Variants in BMP2K observed in about 807,000 individuals in gnomAD.
BMP2K encodes the protein BMP-2-inducible protein kinase.
Under a neutral mutation model 116.0 loss-of-function variants are expected in BMP2K, and 74 were observed. The ratio of observed to expected loss-of-function variants is 0.64; its 90% CI spans 0.53 to 0.77. The LOEUF is 0.77. Ranked by LOEUF, BMP2K falls within the 30% of genes least tolerant of loss-of-function variation. The pLI, the probability that BMP2K is intolerant of heterozygous loss-of-function variation, is 0.00. For synonymous variants in BMP2K, 486 were observed against 502.5 expected (o/e 0.97, Z 0.44); for missense variants, 1,365 against 1,403.6 (o/e 0.97, Z 0.44).
intron 9 of BMP2K, among the ~76,000 whole-genome samples, chr4:78,861,882 A>G (rs1236197575): frequency 1.3e-5 from 2 of 152,014 alleles, no homozygotes; most frequent in African/African-American, 4.8e-5. Context: ...TGTACTTTGT[A>G]GAATTTGTAA....
intron 1 of BMP2K, among the ~76,000 whole-genome samples, chr4:78,783,598 G>C (rs1288910481): frequency 1.3e-5 from 2 of 152,188 alleles, no homozygotes; most frequent in East Asian, 1.9e-4. Context: ...TTGAGGCCAG[G>C]AGTTCGAGAC....
At chr4:78,790,490 GA>G (rs1431398184) in intron 1 of BMP2K, among the ~76,000 whole-genome samples, 1 of 152,088 alleles carries the variant, frequency 6.6e-6, no homozygotes, top group African/African-American at 2.4e-5. Flanking sequence ...GAACCTCTGT[GA>G]AAAAAATTTA....
chr4:78,863,315 A>G (rs17003474), intron 9 of BMP2K, among the ~76,000 whole-genome samples: 15,352 of 152,150 alleles, frequency 0.1, 2,523 homozygotes, highest in African/African-American at 0.35. Context: ...TGTAAAGAGC[A>G]CATTTTGGGA....
At chr4:78,874,327 A>G (rs965663061) in intron 13 of BMP2K, among the ~76,000 whole-genome samples, 7 of 152,254 alleles carry the variant, frequency 4.6e-5, no homozygotes, top group Non-Finnish European at 7.3e-5. Context: ...TAATAAAATT[A>G]AAACATATTA....
intron 15 of BMP2K, among the ~76,000 whole-genome samples, chr4:78,895,280 G>A (rs533567986): frequency 1.6e-3 from 243 of 152,204 alleles, no homozygotes; most frequent in African/African-American, 5.5e-3. Context: ...ATACAAAAAC[G>A]TACACCTGTA....
intron 1 of BMP2K, among the ~76,000 whole-genome samples, chr4:78,790,163 G>C (rs1553912447): frequency 6.6e-6 from 1 of 152,106 alleles, no homozygotes; most frequent in Non-Finnish European, 1.5e-5. Flanking sequence ...TTACTTTTAT[G>C]ATACATTTGG....
At chr4:78,785,128 C>T (rs530575330) in intron 1 of BMP2K, among the ~76,000 whole-genome samples, 1 of 151,756 alleles carries the variant, frequency 6.6e-6, no homozygotes, top group East Asian at 1.9e-4. Context: ...TTTATTTTTT[C>T]AAGACGGAGT....
chr4:78,866,792 A>G (rs1326019698), intron 10 of BMP2K, among the ~76,000 whole-genome samples: 3 of 152,106 alleles, frequency 2.0e-5, no homozygotes, highest in African/African-American at 7.2e-5. Flanking sequence ...CTGGGATTAC[A>G]GGGGCCTGCC....
At chr4:78,883,335 T>C (rs1050658130) in intron 14 of BMP2K, among the ~76,000 whole-genome samples, 4 of 152,184 alleles carry the variant, frequency 2.6e-5, no homozygotes, top group Non-Finnish European at 5.9e-5. Context: ...AATTAATAAT[T>C]ACAAAATTAA....
At chr4:78,843,292 G>C (rs944053663) in intron 4 of BMP2K, among the ~76,000 whole-genome samples, 1 of 151,786 alleles carries the variant, frequency 6.6e-6, no homozygotes, top group Non-Finnish European at 1.5e-5. Flanking sequence ...CATCACTATA[G>C]CCTAACCTGC....
At position 78,800,766 on chromosome 4, in the gene BMP2K, T is replaced by A. The variant is rs550743507; in HGVS notation, c.178+24045T>A. Among the ~76,000 whole-genome samples the A allele has an allele frequency of 4.3e-4, 65 of 152,276 alleles. No individual in the cohort carries two copies. In the Middle Eastern group the frequency reaches 0.01, roughly 24 times the overall value. On this transcript the variant is annotated intron_variant, in intron 1 of 15. Coordinates refer to ENST00000502613, the MANE Select transcript of BMP2K (RefSeq NM_198892.2). ...TCTAAAAAATGGCAAACTCAACTCA[T>A]GTTAATGGTTTTAGATTGAATTGCT...
chr4:78,810,399 CA>C (rs1729028408), intron 1 of BMP2K, among the ~76,000 whole-genome samples: 1 of 152,184 alleles, frequency 6.6e-6, no homozygotes, highest in Admixed American at 6.5e-5. Flanking sequence ...GTAGATATCT[CA>C]TTCCTACTTC....
At chr4:78,779,751 T>C (rs892123008) in intron 1 of BMP2K, among the ~76,000 whole-genome samples, 1 of 152,218 alleles carries the variant, frequency 6.6e-6, no homozygotes, top group African/African-American at 2.4e-5. Flanking sequence ...AGGGGTAGGT[T>C]GTATGTTATA....
At chr4:78,903,093 AGGTATTGTATTGTATT>A in intron 15 of BMP2K, among the ~76,000 whole-genome samples, 1 of 151,510 alleles carries the variant, frequency 6.6e-6, no homozygotes, top group East Asian at 1.9e-4. Context: ...TTTCCCACCA[AGGTATTGTATTGTATT>A]GTATGCCATA....
chr4:78,777,267 G>A (rs1398109686), intron 1 of BMP2K, among the ~76,000 whole-genome samples: 2 of 152,304 alleles, frequency 1.3e-5, no homozygotes, highest in East Asian at 3.9e-4. Context: ...CAGTTAGTAG[G>A]TTGCACTGAG....
intron 1 of BMP2K, among the ~76,000 whole-genome samples, chr4:78,804,313 T>C (rs940741132): frequency 6.6e-6 from 1 of 152,246 alleles, no homozygotes; most frequent in African/African-American, 2.4e-5. Flanking sequence ...GGCTGAATAT[T>C]CCTTTATATG....
intron 1 of BMP2K, among the ~76,000 whole-genome samples, chr4:78,783,171 G>A (rs1163850657): frequency 6.6e-6 from 1 of 152,126 alleles, no homozygotes; most frequent in African/African-American, 2.4e-5. Context: ...TAGTTTGTTA[G>A]ATAATTATGT....
chr4:78,776,568 A>C lies in BMP2K; in HGVS notation c.25A>C (p.Lys9Gln). MKKFSRMPKSEGGSGGGAA... is the reference protein window; with the variant it reads MKKFSRMPQSEGGSGGGAA... Reference sequence around the variant, plus strand: ...CATGAAGAAGTTCTCTCGGATGCCCAAGTCGGAGGGCGGCAGCGGCGGCGG... The same window carrying C: ...CATGAAGAAGTTCTCTCGGATGCCCCAGTCGGAGGGCGGCAGCGGCGGCGG... Residue 9 changes from lysine to glutamine, a missense_variant, in exon 1 of 16, where the codon AAG becomes CAG. Transcript: ENST00000502613. The C allele has an allele frequency of 8.7e-7, 1 of 1,153,586 alleles. No homozygotes were observed. Among genetic ancestry groups the C allele is most frequent in the Non-Finnish European group, 1.1e-6 (1 of 933,624 alleles). 71.5% of individuals were successfully genotyped at this position (1,153,586 alleles called of 1,614,324 possible).
At chr4:78,800,157 T>C (rs1340685858) in intron 1 of BMP2K, among the ~76,000 whole-genome samples, 1 of 152,194 alleles carries the variant, frequency 6.6e-6, no homozygotes, top group African/African-American at 2.4e-5. Context: ...TAAATATGTA[T>C]CTGTTTTCTG....
Sources: gnomAD v4.1 joint callset for allele counts (sites outside exome capture counted in the v4.1 genomes callset) on GRCh38, gnomAD v4.1.1 for gene constraint, MANE v1.5 for transcripts, NCBI Gene and HGNC (gene_info 2026-07-23, HGNC 2026-07-21) for gene names.